FBXL7: variants seen among roughly 807,000 people sequenced by gnomAD.
FBXL7 encodes the protein F-box/LRR-repeat protein 7.
A neutral mutation model predicts 38.3 loss-of-function variants in FBXL7; 12 were observed. The observed-to-expected ratio is 0.31, with a 90% CI of 0.20 to 0.51. The LOEUF (loss-of-function observed/expected upper bound fraction) is 0.51, where lower values mean the gene tolerates loss of function less well. Ranked by LOEUF, FBXL7 falls within the 20% of genes least tolerant of loss-of-function variation. The pLI is 0.98. For synonymous variants in FBXL7, 297 were observed against 300.9 expected (o/e 0.99, Z 0.13); for missense variants, 567 against 676.4 (o/e 0.84, Z 1.79).
At chr5:15,880,862 A>T (rs979003900) in intron 2 of FBXL7, among the ~76,000 whole-genome samples, 4 of 151,294 alleles carry the variant, frequency 2.6e-5, no homozygotes, top group Non-Finnish European at 5.9e-5. Flanking sequence ...TATGCTCTGT[A>T]GTATGCTCAT....
At chr5:15,899,714 A>G (rs1741188681) in intron 2 of FBXL7, among the ~76,000 whole-genome samples, 1 of 152,182 alleles carries the variant, frequency 6.6e-6, no homozygotes, top group Non-Finnish European at 1.5e-5. Context: ...GGGAAATCTG[A>G]AACAAAAAGA....
At chr5:15,672,795 T>A (rs1355489703) in intron 2 of FBXL7, among the ~76,000 whole-genome samples, 5 of 152,136 alleles carry the variant, frequency 3.3e-5, no homozygotes, top group African/African-American at 1.2e-4. Context: ...CCTTAAGTGA[T>A]CCTCCCGCCT....
At chr5:15,567,317 G>C (rs1290644286) in intron 1 of FBXL7, among the ~76,000 whole-genome samples, 1 of 152,144 alleles carries the variant, frequency 6.6e-6, no homozygotes, top group Admixed American at 6.6e-5. Context: ...AATGACAGCT[G>C]TACTTCTAGA....
At chr5:15,838,098 A>G (rs1056479699) in intron 2 of FBXL7, among the ~76,000 whole-genome samples, 10 of 152,070 alleles carry the variant, frequency 6.6e-5, no homozygotes, top group African/African-American at 2.4e-4. Context: ...CTCTAGTCAG[A>G]GTTCAGTATG....
intron 2 of FBXL7, among the ~76,000 whole-genome samples, chr5:15,888,097 AAT>A (rs1482635893): frequency 6.6e-6 from 1 of 152,212 alleles, no homozygotes; most frequent in African/African-American, 2.4e-5. Flanking sequence ...TATAGTAACT[AAT>A]TCATATTGCA....
chr5:15,663,315 G>A (rs1280164703), intron 2 of FBXL7, among the ~76,000 whole-genome samples: 1 of 152,148 alleles, frequency 6.6e-6, no homozygotes, highest in Non-Finnish European at 1.5e-5. Flanking sequence ...TGTTGTGGGT[G>A]TATAGGAATG....
chr5:15,661,293 G>GT (rs938943774), intron 2 of FBXL7, among the ~76,000 whole-genome samples: 5 of 152,024 alleles, frequency 3.3e-5, no homozygotes, highest in African/African-American at 1.2e-4. Flanking sequence ...GTTCTAATAG[G>GT]TTTTTTTGTC....
intron 2 of FBXL7, among the ~76,000 whole-genome samples, chr5:15,821,071 C>T (rs1040808526): frequency 6.6e-6 from 1 of 152,102 alleles, no homozygotes; most frequent in Non-Finnish European, 1.5e-5. Context: ...AACTTTGCTC[C>T]CCCATCCCAC....
chr5:15,531,161 T>A (rs1737411340), intron 1 of FBXL7, among the ~76,000 whole-genome samples: 1 of 152,154 alleles, frequency 6.6e-6, no homozygotes, highest in Non-Finnish European at 1.5e-5. Flanking sequence ...AAGAAAGACT[T>A]GATAAATTCA....
At chr5:15,630,328 A>G (rs1015922286) in intron 2 of FBXL7, among the ~76,000 whole-genome samples, 3 of 152,184 alleles carry the variant, frequency 2.0e-5, no homozygotes, top group East Asian at 1.9e-4. Context: ...TTTAACTTCA[A>G]TACATTTAAT....
intron 2 of FBXL7, among the ~76,000 whole-genome samples, chr5:15,762,920 G>A (rs890404499): frequency 1.3e-5 from 2 of 152,158 alleles, no homozygotes; most frequent in African/African-American, 4.8e-5. Context: ...ATACAGTGAT[G>A]TACAGTGGCT....
intron 1 of FBXL7, among the ~76,000 whole-genome samples, chr5:15,506,532 C>G (rs748783601): frequency 7.2e-5 from 11 of 152,118 alleles, no homozygotes; most frequent in Non-Finnish European, 1.2e-4. Flanking sequence ...TTAGACAGTT[C>G]AAGCTGCCAT....
intron 1 of FBXL7, among the ~76,000 whole-genome samples, chr5:15,604,156 T>TA (rs1030977576): frequency 2.0e-5 from 3 of 152,146 alleles, no homozygotes; most frequent in African/African-American, 7.2e-5. Context: ...AACAGAGTGA[T>TA]ACTCTGTCTC....
intron 1 of FBXL7, among the ~76,000 whole-genome samples, chr5:15,594,875 A>G (rs1388379538): frequency 6.6e-6 from 1 of 152,174 alleles, no homozygotes; most frequent in Non-Finnish European, 1.5e-5. Flanking sequence ...GTCCATTCCC[A>G]TTGCTAAGTT....
intron 2 of FBXL7, among the ~76,000 whole-genome samples, chr5:15,826,485 C>T (rs546239253): frequency 6.6e-6 from 1 of 152,314 alleles, no homozygotes; most frequent in African/African-American, 2.4e-5. Flanking sequence ...GTGTCGTGAT[C>T]TCTGCTCACT....
At chr5:15,752,117 T>C (rs1236610743) in intron 2 of FBXL7, among the ~76,000 whole-genome samples, 1 of 152,082 alleles carries the variant, frequency 6.6e-6, no homozygotes, top group Non-Finnish European at 1.5e-5. Flanking sequence ...CACATGGAAG[T>C]GTATGTACTG....
chr5:15,813,973 TTGG>T (rs1389233645), intron 2 of FBXL7, among the ~76,000 whole-genome samples: 1 of 152,174 alleles, frequency 6.6e-6, no homozygotes. Flanking sequence ...TTTTACACTG[TTGG>T]TGGGAGTGTA....
intron 2 of FBXL7, among the ~76,000 whole-genome samples, chr5:15,845,714 G>A (rs1051543026): frequency 2.0e-5 from 3 of 152,208 alleles, no homozygotes; most frequent in Non-Finnish European, 4.4e-5. Context: ...GCTCATGCCT[G>A]TAATCCCAGC....
chr5:15,552,271 C>T (rs1212497351), intron 1 of FBXL7, among the ~76,000 whole-genome samples: 1 of 152,142 alleles, frequency 6.6e-6, no homozygotes, highest in Non-Finnish European at 1.5e-5. Flanking sequence ...TCCTCTGGTC[C>T]ATGACACAAC....
Sources: gnomAD v4.1 joint callset for allele counts (sites outside exome capture counted in the v4.1 genomes callset) on GRCh38, gnomAD v4.1.1 for gene constraint, MANE v1.5 for transcripts, NCBI Gene and HGNC (gene_info 2026-07-23, HGNC 2026-07-21) for gene names.